Variants in MZT2A observed in about 807,000 individuals in gnomAD.
MZT2A encodes the protein mitotic-spindle organizing protein 2A.
A neutral mutation model predicts 12.4 loss-of-function variants in MZT2A; 8 were observed. That is an observed-to-expected ratio of 0.64 (90% CI 0.38 to 1.16). The LOEUF (loss-of-function observed/expected upper bound fraction) is 1.16, where lower values mean the gene tolerates loss of function less well. MZT2A is among the 50% of genes most tolerant of loss of function. The probability of loss-of-function intolerance (pLI) is 0.01; values close to 1 mark genes in which losing one functional copy is unlikely to be tolerated. For synonymous variants in MZT2A, 88 were observed against 107.5 expected, an observed-to-expected ratio of 0.82 and a Z score of 1.12; for missense variants, 181 against 223.6, an observed-to-expected ratio of 0.81 and a Z score of 1.22.
In MZT2A at chr2:131,471,959, G is replaced by C. The variant is rs1361420742; in HGVS notation, c.393+109C>G. ...TGTTGTCCTGCGTGCAGCAGGGACAGTCCATGAGCAGGAGTCCCAAGGAGG... is the reference window on the plus strand; with the variant it reads ...TGTTGTCCTGCGTGCAGCAGGGACACTCCATGAGCAGGAGTCCCAAGGAGG... On this transcript the variant is annotated intron_variant and NMD_transcript_variant, in intron 3 of 4. Transcript: ENST00000427024. The C allele has an allele frequency of 6.7e-6, 7 of 1,038,254 alleles. No homozygotes were observed. The African/African-American group carries it at 1.2e-4, about 18-fold the overall frequency. The allele number at this position is 1,038,254 out of a possible 1,614,324, so 64.3% of individuals were successfully genotyped here. A position where few individuals can be genotyped will look rare whatever the true frequency, so the allele number is the denominator to read the frequency against.
At chr2:131,482,486 A>G (rs35676146), downstream of MZT2A, 7 of 1,536,638 alleles carry the variant, frequency 4.6e-6, no homozygotes, top group East Asian at 2.3e-5. Flanking sequence ...TGTTTGAGGA[A>G]AAGTAGCTAC....
upstream of MZT2A, chr2:131,493,089 G>A: frequency 6.7e-7 from 1 of 1,492,778 alleles, no homozygotes; most frequent in Non-Finnish European, 9.0e-7. Context: ...TTGGCGCGGT[G>A]GCGGAATGGC....
chr2:131,487,979 C>T (rs1379030937), intron 2 of MZT2A, among the ~76,000 whole-genome samples: 1 of 152,198 alleles, frequency 6.6e-6, no homozygotes, highest in African/African-American at 2.4e-5. Context: ...GTTGCCCTGG[C>T]TAGTCCTGAA....
At chr2:131,480,961 T>C (rs1480312010), downstream of MZT2A, among the ~76,000 whole-genome samples, 5 of 151,920 alleles carry the variant, frequency 3.3e-5, no homozygotes, top group African/African-American at 4.8e-5. Flanking sequence ...TGGAGTGCAG[T>C]GGTGCGATCT....
chr2:131,477,104 C>G (rs1288289340), intron 2 of MZT2A, among the ~76,000 whole-genome samples: 1 of 151,048 alleles, frequency 6.6e-6, no homozygotes. Context: ...GTTGCAGGAT[C>G]ACGGCTCCCT....
At chr2:131,479,349 G>A, downstream of MZT2A, 2 of 1,614,122 alleles carry the variant, frequency 1.2e-6, no homozygotes, top group Non-Finnish European at 1.7e-6. Context: ...CTTCCACCCG[G>A]AGCAGCTGAT....
At chr2:131,482,498 ATTTCTAGGT>A, downstream of MZT2A, 1 of 1,542,290 alleles carries the variant, frequency 6.5e-7, no homozygotes, top group Non-Finnish European at 8.7e-7. Flanking sequence ...AGTAGCTACC[ATTTCTAGGT>A]TTGATATAAG....
intron 2 of MZT2A, 24 bp from the exon 3 acceptor site, chr2:131,484,242 A>T: frequency 6.2e-7 from 1 of 1,610,346 alleles, no homozygotes; most frequent in Middle Eastern, 1.7e-4. Context: ...AAGCACAATG[A>T]TTAGGAATGG....
chr2:131,479,418 G>A, downstream of MZT2A: 3 of 1,614,210 alleles, frequency 1.9e-6, no homozygotes, highest in South Asian at 1.1e-5. Context: ...CATCGGCAAG[G>A]AGATTGTTGA....
intron 2 of MZT2A, among the ~76,000 whole-genome samples, chr2:131,488,039 G>A (rs1559359216): frequency 6.6e-6 from 1 of 152,098 alleles, no homozygotes; most frequent in Non-Finnish European, 1.5e-5. Flanking sequence ...GGTGTGGTGG[G>A]TTTTTTGCAT....
chr2:131,490,746 G>T (rs1234363996), intron 2 of MZT2A: 1 of 1,544,250 alleles, frequency 6.5e-7, no homozygotes, highest in African/African-American at 1.5e-5. Context: ...CAAGAGAGGC[G>T]GAGGGAACCC....
intron 2 of MZT2A, among the ~76,000 whole-genome samples, chr2:131,488,284 C>A (rs1679135603): frequency 6.6e-6 from 1 of 152,192 alleles, no homozygotes; most frequent in African/African-American, 2.4e-5. Context: ...CTCAATGACT[C>A]CAGACTCTCA....
Position 131,486,792 on chromosome 2 carries a change from A to G in MZT2A, c.320-2574T>C, listed in dbSNP as rs565321209. Among the ~76,000 whole-genome samples the G allele has an allele frequency of 1.5e-4, 23 of 152,136 alleles. No individual in the cohort carries two copies. The South Asian group carries it at 4.8e-3, about 32-fold the overall frequency. ...AGCATGGGGCCACACCTGGCTAATA[A>G]TGCTTATCTTTAAATCTGACAGGGT... On this transcript the variant is annotated intron_variant, in intron 2 of 2. Transcript: ENST00000309451.
intron 2 of MZT2A, among the ~76,000 whole-genome samples, chr2:131,473,198 T>A (rs1033339960): frequency 5.3e-5 from 8 of 151,714 alleles, no homozygotes; most frequent in African/African-American, 1.9e-4. Flanking sequence ...ACTCAGTCAG[T>A]GGTATTTTTT....
chr2:131,474,405 C>CTT (rs70994777), intron 2 of MZT2A, among the ~76,000 whole-genome samples: 1,358 of 94,722 alleles, frequency 0.014, 39 homozygotes, highest in African/African-American at 0.033. Context: ...TCTTCTTCTT[C>CTT]TTTTTTTTTT....
chr2:131,492,689 G>A, upstream of MZT2A: 1 of 1,255,064 alleles, frequency 8.0e-7, no homozygotes, highest in South Asian at 1.5e-5. Flanking sequence ...CCAGCCCAGT[G>A]CCAGGCATAC....
Position 131,477,833 on chromosome 2 carries a change from C to T in MZT2A, c.279-5651G>A, listed in dbSNP as rs560659409. The stretch of plus-strand genomic sequence containing the variant: ...TTGATCAGGACATAATCAAAAACTG[C>T]TACATATTCTTCAGAGAATTACTGT... On this transcript the variant is annotated intron_variant and NMD_transcript_variant, in intron 2 of 4. Transcript: ENST00000427024. 2.0e-5 allele frequency among the ~76,000 whole-genome samples: 3 copies of T among 152,250 alleles called. No individual in the cohort carries two copies. The East Asian group carries it at 5.8e-4, about 29-fold the overall frequency.
chr2:131,483,178 G>GA (rs1487288182), downstream of MZT2A, among the ~76,000 whole-genome samples: 1 of 152,192 alleles, frequency 6.6e-6, no homozygotes, highest in African/African-American at 2.4e-5. Context: ...GTTTTCAACT[G>GA]AATCTGTGAT....
downstream of MZT2A, chr2:131,482,911 A>G (rs1678911613): frequency 5.7e-6 from 9 of 1,571,518 alleles, no homozygotes; most frequent in Non-Finnish European, 7.8e-6. Flanking sequence ...GTTGTTTGCA[A>G]TTAAAGGTTC....
Sources: allele counts gnomAD v4.1 joint callset (sites outside exome capture counted in the v4.1 genomes callset), GRCh38; gene constraint gnomAD v4.1.1; transcripts MANE v1.5; gene names NCBI Gene and HGNC (gene_info 2026-07-23, HGNC 2026-07-21).